The following SMIM14 variants were observed in gnomAD, a reference collection of about 807,000 sequenced individuals.
SMIM14 encodes chromosome 4 open reading frame 34.
A neutral mutation model predicts 12.6 loss-of-function variants in SMIM14; 5 were observed. The ratio of observed to expected loss-of-function variants is 0.40; its 90% CI spans 0.21 to 0.83. SMIM14 has a LOEUF of 0.83. Among genes scored for constraint, SMIM14 ranks in the 40% least tolerant of loss-of-function variants. SMIM14 has a pLI of 0.37. For missense variants in SMIM14, 86 were observed against 119.1 expected (o/e 0.72, Z 1.29); for synonymous variants, 30 against 40.1 (o/e 0.75, Z 0.95).
intron 2 of SMIM14, among the ~76,000 whole-genome samples, chr4:39,602,107 G>A (rs1161798815): frequency 6.6e-6 from 1 of 151,574 alleles, no homozygotes; most frequent in African/African-American, 2.4e-5. Context: ...AAATTAGCCA[G>A]GTGTGGTGGC....
intron 2 of SMIM14, among the ~76,000 whole-genome samples, chr4:39,595,416 A>AG (rs1363459962): frequency 1.9e-4 from 14 of 75,366 alleles, no homozygotes; most frequent in Non-Finnish European, 2.9e-4. Flanking sequence ...GGGTGGGGGG[A>AG]GGGGGGAGGG....
chr4:39,580,236 T>C (rs1006299917), intron 2 of SMIM14, among the ~76,000 whole-genome samples: 1 of 152,112 alleles, frequency 6.6e-6, no homozygotes, highest in African/African-American at 2.4e-5. Flanking sequence ...GCTAGTGTAG[T>C]GGCTTGATTA....
chr4:39,597,751 A>AC lies in SMIM14; in HGVS notation c.75+7319dup, dbSNP rs1714432424. On this transcript the variant is annotated intron_variant, in intron 2 of 4. Transcript: ENST00000295958. ...TGATTTTTCCTATTAGTAAGTATTT[A>AC]CTTCATCTTGTCTTCTAATGTAGCT... Among the ~76,000 whole-genome samples, 3 of 152,176 alleles carry AC rather than the reference A, an allele frequency of 2.0e-5. No homozygotes were observed. The South Asian group carries it at 6.2e-4, about 32-fold the overall frequency.
chr4:39,638,685 G>A (rs1362721835), intron 1 of SMIM14, 54 bp downstream of exon 1: 1 of 984,992 alleles, frequency 1.0e-6, no homozygotes, highest in African/African-American at 1.7e-5. Flanking sequence ...GGAAAAACTG[G>A]GGCGAGGGGA....
chr4:39,618,984 T>C (rs946357124), intron 1 of SMIM14, among the ~76,000 whole-genome samples: 4 of 152,166 alleles, frequency 2.6e-5, no homozygotes, highest in South Asian at 2.1e-4. Context: ...TCCTGGCTGA[T>C]AGATCCTTTA....
At chr4:39,585,964 GC>G (rs920271861) in intron 2 of SMIM14, among the ~76,000 whole-genome samples, 2 of 152,050 alleles carry the variant, frequency 1.3e-5, no homozygotes, top group Non-Finnish European at 2.9e-5. Flanking sequence ...TACACTTGCA[GC>G]CCAATAGCTC....
intron 1 of SMIM14, among the ~76,000 whole-genome samples, chr4:39,627,304 A>G (rs1229245227): frequency 1.3e-5 from 2 of 152,224 alleles, no homozygotes; most frequent in East Asian, 1.9e-4. Context: ...TGTCTTAAAC[A>G]TTACCTTCTC....
At chr4:39,586,624 C>A (rs1713795636) in intron 2 of SMIM14, among the ~76,000 whole-genome samples, 1 of 152,018 alleles carries the variant, frequency 6.6e-6, no homozygotes, top group Admixed American at 6.6e-5. Flanking sequence ...TTACTTCTAC[C>A]AACAGTCCCT....
chr4:39,635,116 G>GT (rs1433562457), intron 1 of SMIM14, among the ~76,000 whole-genome samples: 1 of 152,156 alleles, frequency 6.6e-6, no homozygotes, highest in Non-Finnish European at 1.5e-5. Context: ...TAACACAATG[G>GT]TATCAACCAC....
chr4:39,553,375 T>C, intron 4 of SMIM14, among the ~76,000 whole-genome samples: 1 of 151,866 alleles, frequency 6.6e-6, no homozygotes, highest in Non-Finnish European at 1.5e-5. Flanking sequence ...CTGTAATGAT[T>C]TCTAAGTCAG....
At chr4:39,572,305 T>TTTAAAAAAAAAAA in intron 3 of SMIM14, 110 bp downstream of exon 3, 1 of 189,706 alleles carries the variant, frequency 5.3e-6, no homozygotes, top group Non-Finnish European at 1.0e-5. Context: ...TTTTTTTTGG[T>TTTAAAAAAAAAAA]AACCACTAGA....
At chr4:39,601,485 T>G (rs946874582) in intron 2 of SMIM14, among the ~76,000 whole-genome samples, 17 of 152,248 alleles carry the variant, frequency 1.1e-4, no homozygotes, top group Admixed American at 6.5e-5. Context: ...TCTGTGAGTT[T>G]CCTAAGCACA....
At position 39,558,500 on chromosome 4, in the gene SMIM14, T is replaced by C. The variant is rs1380989004; in HGVS notation, c.125-1930A>G. On this transcript the variant is annotated intron_variant, in intron 3 of 4. Transcript: ENST00000295958. The surrounding 1 kb of genome is among the most constrained non-coding windows in gnomAD (Gnocchi z 4.3). The stretch of plus-strand genomic sequence containing the variant: ...CAATCAGTGAGCTCCCAGGAAAAAG[T>C]TTCCTCCCCTTTTCAGGCATATACA... Among the ~76,000 whole-genome samples the C allele has an allele frequency of 6.6e-6, 1 of 152,092 alleles. No homozygotes were observed. The highest frequency in any genetic ancestry group is 1.5e-5 in the Non-Finnish European group (1 of 68,012).
At chr4:39,590,367 T>A (rs901942008) in intron 2 of SMIM14, among the ~76,000 whole-genome samples, 2 of 149,222 alleles carry the variant, frequency 1.3e-5, no homozygotes, top group African/African-American at 5.0e-5. Context: ...GACCCGAGAA[T>A]GCGCCATTGC....
intron 3 of SMIM14, among the ~76,000 whole-genome samples, chr4:39,565,496 A>G (rs1233174812): frequency 6.6e-6 from 1 of 151,974 alleles, no homozygotes; most frequent in Non-Finnish European, 1.5e-5. Flanking sequence ...GCTAAGTTTT[A>G]TATTTTTTGT....
intron 2 of SMIM14, among the ~76,000 whole-genome samples, chr4:39,579,842 T>TTA (rs1288702654): frequency 3.5e-5 from 1 of 28,750 alleles, no homozygotes; most frequent in Admixed American, 2.7e-4. Context: ...AGACTCCGTC[T>TTA]CAAAAAAAAA....
At chr4:39,592,112 C>A (rs538500552) in intron 2 of SMIM14, among the ~76,000 whole-genome samples, 2 of 152,160 alleles carry the variant, frequency 1.3e-5, no homozygotes, top group South Asian at 4.1e-4. Context: ...GGGAGGATCG[C>A]TTGAGCCCAG....
chr4:39,635,404 T>G (rs1578375307), intron 1 of SMIM14, among the ~76,000 whole-genome samples: 1 of 151,800 alleles, frequency 6.6e-6, no homozygotes, highest in African/African-American at 2.4e-5. Flanking sequence ...AACAAGGGGG[T>G]GTCAAGGTAA....
At chr4:39,582,024 A>C (rs559703515) in intron 2 of SMIM14, among the ~76,000 whole-genome samples, 85 of 152,060 alleles carry the variant, frequency 5.6e-4, no homozygotes, top group African/African-American at 2.0e-3. Flanking sequence ...GGCATGTGTC[A>C]CCACAGCCAG....
Sources: gnomAD v4.1 joint callset for allele counts (sites outside exome capture counted in the v4.1 genomes callset) on GRCh38, gnomAD v4.1.1 for gene constraint, Gnocchi (gnomAD v3.1) non-coding constraint, MANE v1.5 for transcripts, NCBI Gene and HGNC (gene_info 2026-07-23, HGNC 2026-07-21) for gene names.